DNAH17: variants seen among roughly 807,000 people sequenced by gnomAD.
DNAH17 encodes the protein axonemal beta dynein heavy chain 17.
A neutral mutation model predicts 485.6 loss-of-function variants in DNAH17; 376 were observed. The observed-to-expected ratio is 0.77, with a 90% confidence interval of 0.71 to 0.84. The LOEUF is 0.84. DNAH17 is among the 40% of genes least tolerant of loss of function. The pLI is 0.00. For synonymous variants in DNAH17, 3,031 were observed against 2,405.9 expected, an observed-to-expected ratio of 1.26 and a Z score of -7.60; for missense variants, 6,370 against 5,839.3, an observed-to-expected ratio of 1.09 and a Z score of -2.96.
At chr17:78,515,980 A>G (rs978319741) in intron 25 of DNAH17, among the ~76,000 whole-genome samples, 15 of 152,240 alleles carry the variant, frequency 9.9e-5, no homozygotes, top group African/African-American at 3.4e-4. Flanking sequence ...TATAAACATG[A>G]AAATGGCTGT....
intron 48 of DNAH17, among the ~76,000 whole-genome samples, chr17:78,484,353 C>T (rs2089490583): frequency 1.3e-5 from 2 of 151,976 alleles, no homozygotes; most frequent in African/African-American, 4.8e-5. Context: ...ATCTCTCCAC[C>T]CAGAATGCTC....
At chr17:78,451,084 C>T (rs562276437) in intron 66 of DNAH17, among the ~76,000 whole-genome samples, 15 of 152,298 alleles carry the variant, frequency 9.8e-5, no homozygotes, top group Non-Finnish European at 1.5e-4. Flanking sequence ...CGGGGACAGG[C>T]GGGCCTGGGC....
chr17:78,501,493 G>A (rs1428283073), intron 34 of DNAH17, 149 bp from the exon 35 acceptor site: 2 of 1,057,802 alleles, frequency 1.9e-6, no homozygotes, highest in East Asian at 2.6e-5. Context: ...ACATCCAACT[G>A]TATGGCCACC....
chr17:78,520,820 G>A (rs903540157), intron 25 of DNAH17, among the ~76,000 whole-genome samples: 2 of 152,130 alleles, frequency 1.3e-5, no homozygotes, highest in Non-Finnish European at 1.5e-5. Flanking sequence ...TAGTTTTAAC[G>A]CAATTCCTAT....
intron 35 of DNAH17, chr17:78,500,765 T>C: frequency 8.8e-6 from 2 of 226,334 alleles, no homozygotes; most frequent in East Asian, 1.1e-4. Flanking sequence ...CACCTCGGCC[T>C]CCCAAAGTGC....
At chr17:78,514,674 C>CG in intron 26 of DNAH17, 100 bp downstream of exon 26, 1 of 1,456,454 alleles carries the variant, frequency 6.9e-7, no homozygotes, top group Non-Finnish European at 9.1e-7. Flanking sequence ...TTACCAGCAT[C>CG]GGGCCCTGAA....
chr17:78,475,258 A>G lies in DNAH17; in HGVS notation c.8511+20T>C, dbSNP rs752161131. 5 of 1,613,258 alleles carry G rather than the reference A, an allele frequency of 3.1e-6. No homozygotes were observed. The highest frequency in any genetic ancestry group is 2.2e-5 in the East Asian group (1 of 44,874). On this transcript the variant is annotated intron_variant, in intron 54 of 80. Transcript: ENST00000389840. ...CTGACCCTACCCTGAAAGGCAGCCT[A>G]TTGAACAGTAAGCTCTCACCTTGAG...
chr17:78,532,182 T>C (rs1310091072), intron 20 of DNAH17, among the ~76,000 whole-genome samples: 1 of 152,200 alleles, frequency 6.6e-6, no homozygotes, highest in Non-Finnish European at 1.5e-5. Flanking sequence ...CTCTGCCCAT[T>C]CCTTCCCTGG....
intron 69 of DNAH17, among the ~76,000 whole-genome samples, chr17:78,446,502 T>C (rs945219741): frequency 6.6e-6 from 1 of 152,212 alleles, no homozygotes. Flanking sequence ...CAGAACCTCC[T>C]TCCTCTGTAA....
Position 78,495,075 on chromosome 17 carries a change from C to T in DNAH17, c.5926G>A (p.Asp1976Asn), listed in dbSNP as rs763851473. The change falls in exon 39 of 81, where the codon GAC becomes AAC. Residue 1976 changes from aspartate (D) to asparagine (N), a missense_variant. Coordinates refer to ENST00000389840, the MANE Select transcript of DNAH17 (RefSeq NM_173628.4). ...LFRPCAMVVP[D>N]FELICEIMLM... ...ATGATCTCACATATCAGTTCGAAGT[C>T]GGGGACGACCATGGCACAGGGCCTG... 18 of 1,609,372 alleles carry T rather than the reference C, an allele frequency of 1.1e-5. No individual in the cohort carries two copies. Among genetic ancestry groups the T allele is most frequent in the Admixed American group, 3.4e-5 (2 of 59,486 alleles).
At chr17:78,560,358 C>T (rs1733393938) in intron 13 of DNAH17, among the ~76,000 whole-genome samples, 1 of 152,198 alleles carries the variant, frequency 6.6e-6, no homozygotes, top group South Asian at 2.1e-4. Context: ...ATCCTCTGCT[C>T]ATCTGAACTT....
intron 26 of DNAH17, chr17:78,510,753 C>CCCCG (rs1555679581): frequency 8.5e-5 from 36 of 422,030 alleles, no homozygotes; most frequent in Admixed American, 2.0e-4. Context: ...GAATTGCGGC[C>CCCCG]CCCCCGCAAA....
intron 79 of DNAH17, 32 bp downstream of exon 79, chr17:78,426,425 T>C (rs1317653726): frequency 6.4e-7 from 1 of 1,562,962 alleles, no homozygotes; most frequent in Admixed American, 1.9e-5. Context: ...TCCCCGAGTC[T>C]TAGGAAGCCT....
chr17:78,426,720 C>T, intron 78 of DNAH17, 120 bp from the exon 79 acceptor site: 6 of 1,411,310 alleles, frequency 4.3e-6, no homozygotes, highest in Non-Finnish European at 5.8e-6. Flanking sequence ...CTGGAGACGC[C>T]CTGCATCAGG....
Position 78,455,830 on chromosome 17 carries a change from G to A in DNAH17, c.9984C>T (p.Val3328=), listed in dbSNP as rs575398648. Residue 3328 remains valine (V), a synonymous_variant, in exon 63 of 81, where the codon GTC becomes GTT. Coordinates refer to ENST00000389840, the MANE Select transcript of DNAH17 (RefSeq NM_173628.4). ...GGATGTTTTCCGATGCTAATCCCCC[G>A]ACCAGCCTAAAGTGGGATGAGAGAG... is the stretch of plus-strand genomic sequence containing the variant. ...NRVILLANRL[V]GGLASENIRW... is the part of the protein sequence containing the mutation. 3.2e-5 allele frequency: 51 copies of A among 1,600,262 alleles called. No individual in the cohort carries two copies. In the East Asian group the frequency reaches 9.5e-4, roughly 30 times the overall value.
At position 78,445,688 on chromosome 17, in the gene DNAH17, A is replaced by C; in HGVS notation, c.11212-8T>G. 1.3e-6 allele frequency: 2 copies of C among 1,589,904 alleles called. No homozygotes were observed. The highest frequency in any genetic ancestry group is 1.7e-6 in the Non-Finnish European group (2 of 1,168,548). ...CTTCTTCATGGACAGGACCTGGGGG[A>C]ACATCGAGGTGTACACACTTAACGC... On this transcript the variant is annotated splice_polypyrimidine_tract_variant and splice_region_variant and intron_variant, in intron 69 of 80. Transcript: ENST00000389840.
At chr17:78,456,390 T>C (rs780464672) in intron 62 of DNAH17, among the ~76,000 whole-genome samples, 1 of 147,674 alleles carries the variant, frequency 6.8e-6, no homozygotes, top group Non-Finnish European at 1.5e-5. Flanking sequence ...GTCACCCGCA[T>C]TGACACCCAA....
intron 43 of DNAH17, 125 bp from the exon 44 acceptor site, chr17:78,490,972 AC>A: frequency 8.2e-7 from 1 of 1,218,022 alleles, no homozygotes; most frequent in South Asian, 1.7e-5. Context: ...CAGCCCTGCC[AC>A]CCCTGGCCCA....
chr17:78,569,586 A>G (rs2092320504), intron 7 of DNAH17, 59 bp from the exon 8 acceptor site: 1 of 1,545,012 alleles, frequency 6.5e-7, no homozygotes, highest in South Asian at 1.2e-5. Context: ...GGTGACGTCC[A>G]GGCACGCCGC....
Sources: gnomAD v4.1 joint callset for allele counts (sites outside exome capture counted in the v4.1 genomes callset) on GRCh38, gnomAD v4.1.1 for gene constraint, MANE v1.5 for transcripts, NCBI Gene and HGNC (gene_info 2026-07-23, HGNC 2026-07-21) for gene names.